Variants in DNAAF5 observed in about 807,000 individuals in gnomAD.
The protein encoded by DNAAF5 is HEAT repeat containing 2.
A neutral mutation model predicts 75.8 loss-of-function variants in DNAAF5; 64 were observed. That is an observed-to-expected ratio of 0.84 (90% CI 0.69 to 1.04). DNAAF5 has a LOEUF of 1.04. DNAAF5 is among the 50% of genes least tolerant of loss of function. The pLI is 0.00. For synonymous variants in DNAAF5, 657 were observed against 557.2 expected, an observed-to-expected ratio of 1.18 and a Z score of -2.52; for missense variants, 1,269 against 1,178.5, an observed-to-expected ratio of 1.08 and a Z score of -1.12.
chr7:775,243 T>C (rs1339273718), intron 11 of DNAAF5, 81 bp downstream of exon 11: 10 of 1,272,138 alleles, frequency 7.9e-6, no homozygotes, highest in Admixed American at 5.4e-5. Flanking sequence ...ATCCATGGAG[T>C]CACCCAAACT....
At chr7:755,979 A>G (rs1333319784) in intron 5 of DNAAF5, among the ~76,000 whole-genome samples, 3 of 133,068 alleles carry the variant, frequency 2.3e-5, no homozygotes, top group South Asian at 2.8e-4. Context: ...TCCACTGTGG[A>G]ATCCCACAGT....
intron 2 of DNAAF5, among the ~76,000 whole-genome samples, chr7:734,941 T>TTGTTGCTCATAG (rs1239348669): frequency 1.3e-5 from 2 of 149,588 alleles, no homozygotes; most frequent in African/African-American, 2.5e-5. Flanking sequence ...GTTGCTCATA[T>TTGTTGCTCATAG]TGTTGCTCAT....
At chr7:783,361 G>T (rs974637257) in intron 12 of DNAAF5, among the ~76,000 whole-genome samples, 23 of 152,356 alleles carry the variant, frequency 1.5e-4, no homozygotes, top group Admixed American at 4.6e-4. Flanking sequence ...GGCAGGGGGC[G>T]TGGGCCTCAG....
intron 2 of DNAAF5, among the ~76,000 whole-genome samples, chr7:731,714 A>ATTTGTG (rs1162624532): frequency 2.6e-5 from 4 of 151,526 alleles, no homozygotes; most frequent in Non-Finnish European, 5.9e-5. Context: ...GTCAGCTATC[A>ATTTGTG]TTAGTGTTAG....
At chr7:764,500 A>G (rs959063093) in intron 8 of DNAAF5, among the ~76,000 whole-genome samples, 3 of 152,270 alleles carry the variant, frequency 2.0e-5, no homozygotes, top group East Asian at 3.9e-4. Flanking sequence ...GTGCCTTGGG[A>G]CACACGGCCC....
chr7:732,081 C>T (rs1178817131), intron 2 of DNAAF5, among the ~76,000 whole-genome samples: 1 of 152,242 alleles, frequency 6.6e-6, no homozygotes, highest in Non-Finnish European at 1.5e-5. Context: ...TCATCTCCTC[C>T]TTACAAGGCT....
intron 4 of DNAAF5, among the ~76,000 whole-genome samples, chr7:747,441 C>G (rs897609837): frequency 6.7e-6 from 1 of 149,526 alleles, no homozygotes; most frequent in Non-Finnish European, 1.5e-5. Flanking sequence ...CTATTTTCAG[C>G]GTGTCCGGCT....
intron 5 of DNAAF5, among the ~76,000 whole-genome samples, chr7:756,409 G>T (rs979157740): frequency 2.0e-5 from 3 of 152,100 alleles, no homozygotes; most frequent in Non-Finnish European, 4.4e-5. Flanking sequence ...TGGTGAGTGT[G>T]TGATCCACTG....
chr7:779,449 T>C (rs766571942), intron 11 of DNAAF5, among the ~76,000 whole-genome samples: 5 of 152,248 alleles, frequency 3.3e-5, no homozygotes, highest in Non-Finnish European at 7.3e-5. Flanking sequence ...TCCATTAACC[T>C]CATAAGTTTC....
chr7:751,961 C>T (rs545774504), intron 4 of DNAAF5, among the ~76,000 whole-genome samples: 62 of 152,264 alleles, frequency 4.1e-4, no homozygotes, highest in African/African-American at 4.8e-4. Context: ...TTCTCGTGGG[C>T]GTGCAAAGGA....
rs137993671 is a variant in DNAAF5, at chr7:754,878, G to A, written c.1257+57G>A. ...AGCTGTAACTCGAGCTTAAGATCCC[G>A]CCTCTGTGGTGTGCGGGGCCCGAGG... On this transcript the variant is annotated intron_variant, in intron 5 of 12. Transcript: ENST00000297440. The surrounding 1 kb of genome is among the most constrained non-coding windows in gnomAD (Gnocchi z 4.8). 83 of 1,343,062 alleles carry A rather than the reference G, an allele frequency of 6.2e-5. No individual in the cohort carries two copies. The African/African-American group carries it at 9.8e-4, about 16-fold the overall frequency. 83.2% of individuals were successfully genotyped at this position (1,343,062 alleles called of 1,614,324 possible). A position where few individuals can be genotyped will look rare whatever the true frequency, so the allele number is the denominator to read the frequency against.
intron 12 of DNAAF5, 92 bp from the exon 13 acceptor site, chr7:785,425 C>T (rs1230996470): frequency 2.1e-6 from 3 of 1,427,214 alleles, no homozygotes; most frequent in Non-Finnish European, 2.9e-6. Context: ...TTTACAGATG[C>T]TTGAACTTCA....
At position 754,580 on chromosome 7, in the gene DNAAF5, T is replaced by G; in HGVS notation, c.1025-9T>G. 6.2e-7 allele frequency: 1 copy of G among 1,606,658 alleles called. No individual in the cohort carries two copies. Among genetic ancestry groups the G allele is most frequent in the East Asian group, 2.2e-5 (1 of 44,676 alleles). ...AATTTCTCATTCTTCTTTCCCTTTT[T>G]CGTTCCAGAGCGCCGCCCTGTGCTG... On this transcript the variant is annotated splice_polypyrimidine_tract_variant and intron_variant, in intron 4 of 12. Coordinates refer to ENST00000297440, the MANE Select transcript of DNAAF5 (RefSeq NM_017802.4). This position sits in a 1 kb window ranked among gnomAD's most constrained non-coding sequence, Gnocchi z 4.8.
intron 4 of DNAAF5, among the ~76,000 whole-genome samples, chr7:742,322 A>G (rs1222751504): frequency 6.6e-6 from 1 of 152,156 alleles, no homozygotes; most frequent in East Asian, 1.9e-4. Flanking sequence ...TCAGATGCCC[A>G]GCTCAAATCA....
At chr7:773,595 G>GC (rs768654715) in intron 9 of DNAAF5, among the ~76,000 whole-genome samples, 26 of 152,228 alleles carry the variant, frequency 1.7e-4, no homozygotes, top group East Asian at 5.8e-4. Context: ...GACTGTCCTT[G>GC]CTGGACAGAG....
chr7:746,638 CCCACCCA>C (rs1014720920), intron 4 of DNAAF5, among the ~76,000 whole-genome samples: 5 of 151,656 alleles, frequency 3.3e-5, no homozygotes, highest in African/African-American at 1.2e-4. Flanking sequence ...CCTGCCACCC[CCCACCCA>C]CCTTGCCCAG....
chr7:742,716 C>T (rs1453518088), intron 4 of DNAAF5, among the ~76,000 whole-genome samples: 2 of 149,650 alleles, frequency 1.3e-5, no homozygotes, highest in South Asian at 4.2e-4. Flanking sequence ...CAGCTCAAAT[C>T]AGATGCCCAG....
At chr7:766,029 A>C (rs1398052481) in intron 8 of DNAAF5, among the ~76,000 whole-genome samples, 1 of 152,068 alleles carries the variant, frequency 6.6e-6, no homozygotes, top group Non-Finnish European at 1.5e-5. Context: ...GGGTCTCTTT[A>C]TGTTGCCCAG....
rs973100378 is a variant in DNAAF5 at position 783,976 on chromosome 7, C to T, written c.2432-1541C>T. Among the ~76,000 whole-genome samples, 9 of 151,554 alleles carry T rather than the reference C, an allele frequency of 5.9e-5. No homozygotes were observed. The South Asian group carries it at 1.5e-3, about 25-fold the overall frequency. ...CACTGCACGGTACAGGCCATTCTTTCTCCTGTCTTTAAAAAAACAAAACAC... is the reference window on the plus strand; with the variant it reads ...CACTGCACGGTACAGGCCATTCTTTTTCCTGTCTTTAAAAAAACAAAACAC... On this transcript the variant is annotated intron_variant, in intron 12 of 12. Transcript: ENST00000297440.
Sources: gnomAD v4.1 joint callset for allele counts (sites outside exome capture counted in the v4.1 genomes callset) on GRCh38, gnomAD v4.1.1 for gene constraint, Gnocchi (gnomAD v3.1) non-coding constraint, MANE v1.5 for transcripts, NCBI Gene and HGNC (gene_info 2026-07-23, HGNC 2026-07-21) for gene names.